Variants in BTBD9 observed in about 807,000 individuals in gnomAD.
BTBD9 encodes BTB/POZ domain-containing protein 9.
In BTBD9, 49 loss-of-function variants were observed where a neutral mutation model predicts 64.3. The ratio of observed to expected loss-of-function variants is 0.76; its 90% CI spans 0.61 to 0.97. The LOEUF is 0.97. BTBD9 is among the 50% of genes least tolerant of loss of function. The pLI is 0.00. For synonymous variants in BTBD9, 260 were observed against 274.7 expected (o/e 0.95, Z 0.53); for missense variants, 598 against 762.1 (o/e 0.78, Z 2.53).
At chr6:38,427,221 G>A (rs1035690024) in intron 6 of BTBD9, among the ~76,000 whole-genome samples, 3 of 151,744 alleles carry the variant, frequency 2.0e-5, no homozygotes, top group African/African-American at 7.3e-5. Flanking sequence ...TGAGTATGGT[G>A]GCTCCCACCT....
chr6:38,459,955 G>A (rs1199841296), intron 6 of BTBD9, among the ~76,000 whole-genome samples: 1 of 152,140 alleles, frequency 6.6e-6, no homozygotes, highest in East Asian at 1.9e-4. Context: ...CAGAGTTTTA[G>A]CTTTGTATTA....
chr6:38,297,893 T>C (rs937661865), intron 7 of BTBD9, among the ~76,000 whole-genome samples: 1 of 151,350 alleles, frequency 6.6e-6, no homozygotes, highest in African/African-American at 2.4e-5. Flanking sequence ...CAGGCTGCAG[T>C]GCAGTGGTGC....
At chr6:38,588,426 T>C (rs1776642725) in intron 4 of BTBD9, 2 of 824,150 alleles carry the variant, frequency 2.4e-6, no homozygotes, top group Middle Eastern at 2.3e-4. Flanking sequence ...CAAGTTTTAC[T>C]TCACTTCCTG....
chr6:38,271,933 A>C (rs1228414645), intron 8 of BTBD9, among the ~76,000 whole-genome samples: 1 of 150,624 alleles, frequency 6.6e-6, no homozygotes, highest in African/African-American at 2.4e-5. Context: ...TTTCACCCTA[A>C]ATTTCTGGTA....
intron 6 of BTBD9, among the ~76,000 whole-genome samples, chr6:38,363,702 A>T (rs1488187432): frequency 1.3e-5 from 2 of 152,230 alleles, no homozygotes; most frequent in African/African-American, 2.4e-5. Context: ...ATATTTATGT[A>T]ATCAGAGAAG....
intron 8 of BTBD9, among the ~76,000 whole-genome samples, chr6:38,264,589 A>G (rs931465765): frequency 2.0e-5 from 3 of 152,226 alleles, no homozygotes; most frequent in African/African-American, 7.2e-5. Flanking sequence ...AGAAGGAATT[A>G]ATACAGCTTC....
intron 7 of BTBD9, among the ~76,000 whole-genome samples, chr6:38,317,710 CTG>C (rs1361647874): frequency 6.6e-6 from 1 of 152,102 alleles, no homozygotes; most frequent in Non-Finnish European, 1.5e-5. Flanking sequence ...TCTTCTCTGA[CTG>C]TGTAATTTCA....
At chr6:38,626,069 G>T (rs1465538233) in intron 1 of BTBD9, among the ~76,000 whole-genome samples, 1 of 152,170 alleles carries the variant, frequency 6.6e-6, no homozygotes, top group Non-Finnish European at 1.5e-5. Context: ...CAATTTGTTG[G>T]ACTGAGCCCA....
At chr6:38,474,278 C>A (rs1770781927) in intron 6 of BTBD9, among the ~76,000 whole-genome samples, 1 of 152,112 alleles carries the variant, frequency 6.6e-6, no homozygotes, top group South Asian at 2.1e-4. Flanking sequence ...AATTCCAGCA[C>A]ATTGGGAGTT....
rs1766861488 is a variant in BTBD9, at chr6:38,173,102, G to A, written c.*1883C>T. 6.6e-6 allele frequency: 1 copy of A among 152,314 alleles called. No individual in the cohort carries two copies. Among genetic ancestry groups the A allele is most frequent in the Non-Finnish European group, 1.5e-5 (1 of 68,090 alleles). 9.4% of individuals were successfully genotyped at this position (152,314 alleles called of 1,614,324 possible). On this transcript the variant is annotated 3_prime_UTR_variant, in exon 11 of 11. Coordinates refer to ENST00000481247, the MANE Select transcript of BTBD9 (RefSeq NM_001099272.2). ...AATGTTTGAACTCTGCCCTTGATAT[G>A]ACTGTCTGGCTCCTTTGTCCCCATC...
chr6:38,464,749 G>C (rs79481162), intron 6 of BTBD9, among the ~76,000 whole-genome samples: 4,598 of 152,200 alleles, frequency 0.03, 136 homozygotes, highest in East Asian at 0.096. Flanking sequence ...GCCTGCCTCA[G>C]TCTCCCAAAG....
chr6:38,216,976 C>T (rs1196500826), intron 9 of BTBD9, among the ~76,000 whole-genome samples: 1 of 151,840 alleles, frequency 6.6e-6, no homozygotes, highest in African/African-American at 2.4e-5. Context: ...CTAATATGTT[C>T]CCAGGTGATG....
intron 6 of BTBD9, among the ~76,000 whole-genome samples, chr6:38,444,179 G>C (rs928098240): frequency 3.9e-5 from 6 of 152,182 alleles, no homozygotes; most frequent in African/African-American, 1.4e-4. Context: ...CCCTGGCCAT[G>C]TGTCTTCATT....
At chr6:38,243,559 G>GA (rs1223028381) in intron 9 of BTBD9, among the ~76,000 whole-genome samples, 5 of 151,688 alleles carry the variant, frequency 3.3e-5, no homozygotes, top group South Asian at 2.1e-4. Context: ...AATGGGAATG[G>GA]AAAAAAAAGA....
chr6:38,335,836 C>T (rs1007413473), intron 7 of BTBD9, among the ~76,000 whole-genome samples: 2 of 152,142 alleles, frequency 1.3e-5, no homozygotes, highest in Admixed American at 6.6e-5. Flanking sequence ...CGGATTCAAG[C>T]GATTCTCCTG....
At chr6:38,192,975 C>T (rs1411517570) in intron 9 of BTBD9, among the ~76,000 whole-genome samples, 1 of 151,914 alleles carries the variant, frequency 6.6e-6, no homozygotes, top group Non-Finnish European at 1.5e-5. Flanking sequence ...TTGATGGGTG[C>T]AGCACACCAG....
At chr6:38,600,649 A>G (rs1214752746) in intron 1 of BTBD9, among the ~76,000 whole-genome samples, 1 of 152,152 alleles carries the variant, frequency 6.6e-6, no homozygotes, top group Admixed American at 6.5e-5. Context: ...TATATTTAAT[A>G]TATTTTCTGG....
intron 9 of BTBD9, among the ~76,000 whole-genome samples, chr6:38,207,998 T>G (rs1302365031): frequency 1.3e-4 from 20 of 151,820 alleles, no homozygotes; most frequent in Admixed American, 1.3e-3. Flanking sequence ...TTAATTACAA[T>G]TAAAAAAAGC....
chr6:38,450,507 T>A (rs534050433), intron 6 of BTBD9, among the ~76,000 whole-genome samples: 22 of 152,180 alleles, frequency 1.4e-4, no homozygotes, highest in African/African-American at 5.1e-4. Context: ...CAAAACATCA[T>A]GTTGTACATG....
Sources: gnomAD v4.1 joint callset for allele counts (sites outside exome capture counted in the v4.1 genomes callset) on GRCh38, gnomAD v4.1.1 for gene constraint, MANE v1.5 for transcripts, NCBI Gene and HGNC (gene_info 2026-07-23, HGNC 2026-07-21) for gene names.